The following SLC19A2 variants were observed in gnomAD, a reference collection of about 807,000 sequenced individuals.
SLC19A2 encodes the protein solute carrier family 19 member 2, also known as thiamine transporter 1.
SLC19A2 carries 27 observed loss-of-function variants against 44.7 expected under a neutral mutation model. The observed-to-expected ratio is 0.60, with a 90% CI of 0.45 to 0.83. The LOEUF is 0.83. SLC19A2 is among the 40% of genes least tolerant of loss of function. The pLI is 0.00. For missense variants in SLC19A2, 566 were observed against 613.7 expected (o/e 0.92, Z 0.82); for synonymous variants, 239 against 243.6 (o/e 0.98, Z 0.18).
At chr1:169,479,619 G>C (rs1193264534) in intron 1 of SLC19A2, among the ~76,000 whole-genome samples, 1 of 152,226 alleles carries the variant, frequency 6.6e-6, no homozygotes, top group Non-Finnish European at 1.5e-5. Context: ...AGCTGACAAG[G>C]ACATCTGGGG....
Position 169,477,775 on chromosome 1 carries a change from A to G in SLC19A2, c.205-18T>C, listed in dbSNP as rs1393421482. The G allele has an allele frequency of 3.1e-6, 5 of 1,591,502 alleles. No individual in the cohort carries two copies. The highest frequency in any genetic ancestry group is 2.2e-5 in the East Asian group (1 of 44,446). ...TTGAAGACCTGGTAGAAAGAGAAAAAAAAAAAACAAAAAACATTAGTGATG... is the reference window on the plus strand; with the variant it reads ...TTGAAGACCTGGTAGAAAGAGAAAAGAAAAAAACAAAAAACATTAGTGATG... On this transcript the variant is annotated intron_variant, in intron 1 of 5. Coordinates refer to ENST00000236137, the MANE Select transcript of SLC19A2 (RefSeq NM_006996.3).
rs1462814500 is a variant in SLC19A2, at chr1:169,485,755, G to C, written c.12C>G (p.Pro4=). 5.2e-6 allele frequency: 8 copies of C among 1,534,432 alleles called. No individual in the cohort carries two copies. The South Asian group carries it at 9.6e-5, about 18-fold the overall frequency. Residue 4 remains proline, a synonymous_variant, in exon 1 of 6, where the codon CCC becomes CCG. Coordinates refer to ENST00000236137, the MANE Select transcript of SLC19A2 (RefSeq NM_006996.3). MDV[P]GPVSRRAAAA... Reference sequence around the variant, plus strand: ...CCGCCGCCCGCCGAGACACCGGGCCGGGCACATCCATCCGGGGCGCGAGGG... The same window carrying C: ...CCGCCGCCCGCCGAGACACCGGGCCCGGCACATCCATCCGGGGCGCGAGGG...
intron 2 of SLC19A2, among the ~76,000 whole-genome samples, 153 bp downstream of exon 2, chr1:169,476,994 TTGAATGAA>T (rs111564572): frequency 7.9e-5 from 12 of 152,108 alleles, no homozygotes; most frequent in African/African-American, 2.7e-4. Flanking sequence ...AAACCATAGC[TTGAATGAA>T]TGAATGAATG....
intron 2 of SLC19A2, among the ~76,000 whole-genome samples, chr1:169,471,692 GTGTGTGTATA>G (rs1030367352): frequency 2.1e-5 from 3 of 145,876 alleles, no homozygotes; most frequent in Admixed American, 1.4e-4. Context: ...GTGTGTGTGT[GTGTGTGTATA>G]TATACACACA....
At chr1:169,473,251 T>G (rs1658231257) in intron 2 of SLC19A2, among the ~76,000 whole-genome samples, 1 of 152,080 alleles carries the variant, frequency 6.6e-6, no homozygotes, top group African/African-American at 2.4e-5. Context: ...ATTTATTTAT[T>G]TTTTTGAGAC....
At chr1:169,469,795 A>G (rs1658121951) in intron 3 of SLC19A2, among the ~76,000 whole-genome samples, 169 bp downstream of exon 3, 1 of 152,194 alleles carries the variant, frequency 6.6e-6, no homozygotes, top group Non-Finnish European at 1.5e-5. Context: ...GTCCTGCTCC[A>G]CTTGAGTACT....
rs1407151722 is a variant in SLC19A2, at chr1:169,477,304, T to G, written c.658A>C (p.Ile220Leu). The part of the protein sequence containing the change: ...MPQKSLFFHH[I>L]PSTCQRVNGI... Reference sequence around the variant, plus strand: ...TTCACTCTCTGGCAGGTAGAAGGAATGTGGTGAAAGAAGAGGCTCTTCTGT... The same window carrying G: ...TTCACTCTCTGGCAGGTAGAAGGAAGGTGGTGAAAGAAGAGGCTCTTCTGT... The change falls in exon 2 of 6, where the codon ATT becomes CTT. Residue 220 changes from isoleucine to leucine, a missense_variant. By Grantham distance (5) the Ile-to-Leu change is conservative. Transcript: ENST00000236137. 1.9e-6 allele frequency: 3 copies of G among 1,614,144 alleles called. No individual in the cohort carries two copies. Among genetic ancestry groups the G allele is most frequent in the African/African-American group, 1.3e-5 (1 of 75,020 alleles).
rs1484492815 is a variant in SLC19A2 at position 169,464,827 on chromosome 1, G to C, written c.*1022C>G. 2 of 152,462 alleles carry C rather than the reference G, an allele frequency of 1.3e-5. No homozygotes were observed. Among genetic ancestry groups the C allele is most frequent in the Non-Finnish European group, 2.9e-5 (2 of 67,990 alleles). The allele number at this position is 152,462 out of a possible 1,614,324, so 9.4% of individuals were successfully genotyped here. ...GTCCCATTGAAATAATTGAAAAGAGGCTCAGTTTATGAAAAAGGCCTTGGA... is the reference window on the plus strand; with the variant it reads ...GTCCCATTGAAATAATTGAAAAGAGCCTCAGTTTATGAAAAAGGCCTTGGA... On this transcript the variant is annotated 3_prime_UTR_variant, in exon 6 of 6. Coordinates refer to ENST00000236137, the MANE Select transcript of SLC19A2 (RefSeq NM_006996.3).
chr1:169,465,606 T>C lies in SLC19A2; in HGVS notation c.*243A>G. 4.0e-6 allele frequency: 2 copies of C among 494,322 alleles called. No individual in the cohort carries two copies. The highest frequency in any genetic ancestry group is 3.9e-5 in the East Asian group (1 of 25,786). 30.6% of individuals were successfully genotyped at this position (494,322 alleles called of 1,614,324 possible). ...CTGGTTTTTAAAATCAAGTTCACTT[T>C]TGAATCAGAAAAAAAGTCATCCTTA... On this transcript the variant is annotated 3_prime_UTR_variant, in exon 6 of 6. Coordinates refer to ENST00000236137, the MANE Select transcript of SLC19A2 (RefSeq NM_006996.3).
chr1:169,468,758 GA>G lies in SLC19A2; in HGVS notation c.1108del (p.Ser370LeufsTer3). On this transcript the variant is annotated frameshift_variant, in exon 4 of 6. Coordinates refer to ENST00000236137, the MANE Select transcript of SLC19A2 (RefSeq NM_006996.3). LOFTEE classifies it high-confidence loss of function. Reference protein sequence around the residue: ...TWGEMTLSLFSLLIAAAVYIM... With the variant: ...TWGEMTLSLFXLLIAAAVYIM... ...ATACACTGCAGCAGCAATCAGGAGA[GA>G]AAAGAGAGATAATGTCATTTCTCCC... The G allele has an allele frequency of 6.2e-7, 1 of 1,613,830 alleles. No individual in the cohort carries two copies. The highest frequency in any genetic ancestry group is 8.5e-7 in the Non-Finnish European group (1 of 1,179,840).
At chr1:169,471,675 CGTGT>C (rs140548510) in intron 2 of SLC19A2, among the ~76,000 whole-genome samples, 8 of 131,954 alleles carry the variant, frequency 6.1e-5, no homozygotes, top group South Asian at 2.7e-4. Context: ...AAAAAACAAA[CGTGT>C]GTGTGTGTGT....
At chr1:169,472,146 A>G (rs1658201201) in intron 2 of SLC19A2, among the ~76,000 whole-genome samples, 1 of 152,222 alleles carries the variant, frequency 6.6e-6, no homozygotes. Flanking sequence ...GTGAATTTAA[A>G]CAAATCACAA....
chr1:169,475,585 C>T (rs1658286396), intron 2 of SLC19A2, among the ~76,000 whole-genome samples: 1 of 151,718 alleles, frequency 6.6e-6, no homozygotes, highest in Non-Finnish European at 1.5e-5. Context: ...TATTTTTTTT[C>T]CACTTCATAA....
At chr1:169,471,430 G>A (rs1658174200) in intron 2 of SLC19A2, among the ~76,000 whole-genome samples, 1 of 149,842 alleles carries the variant, frequency 6.7e-6, no homozygotes, top group South Asian at 2.1e-4. Context: ...AGAAGTTCAA[G>A]ATCAAGCTGG....
At chr1:169,475,401 T>TA (rs1294778737) in intron 2 of SLC19A2, among the ~76,000 whole-genome samples, 1 of 152,112 alleles carries the variant, frequency 6.6e-6, no homozygotes, top group African/African-American at 2.4e-5. Context: ...TGTAAAATGT[T>TA]TTCTATGTTT....
rs1658082066 is a variant in SLC19A2, at chr1:169,468,267, A to G, written c.1224-15T>C. On this transcript the variant is annotated splice_polypyrimidine_tract_variant and intron_variant, in intron 4 of 5. Coordinates refer to ENST00000236137, the MANE Select transcript of SLC19A2 (RefSeq NM_006996.3). ...CAATTTGAAAACTTAAAAAAAAATA[A>G]AAGAGTGAATAAATAAGAATTACTT... 6.2e-7 allele frequency: 1 copy of G among 1,605,672 alleles called. No homozygotes were observed. Among genetic ancestry groups the G allele is most frequent in the African/African-American group, 1.3e-5 (1 of 74,806 alleles).
chr1:169,480,110 C>T lies in SLC19A2; in HGVS notation c.205-2353G>A, dbSNP rs115934342. Among the ~76,000 whole-genome samples, 531 of 152,194 alleles carry T rather than the reference C, an allele frequency of 3.5e-3. 6 individuals carry two copies. Among genetic ancestry groups the T allele is most frequent in the African/African-American group, 0.012 (503 of 41,518 alleles). On this transcript the variant is annotated intron_variant, in intron 1 of 5. Coordinates refer to ENST00000236137, the MANE Select transcript of SLC19A2 (RefSeq NM_006996.3). Reference sequence around the variant, plus strand: ...TGTTGCACCTGACTATGTGCCTAAACGAATAATCAAGAAATGTAGAAATGA... The same window carrying T: ...TGTTGCACCTGACTATGTGCCTAAATGAATAATCAAGAAATGTAGAAATGA...
Position 169,468,834 on chromosome 1 carries a change from C to T in SLC19A2, c.1033G>A (p.Ala345Thr), listed in dbSNP as rs530380548. 2.4e-5 allele frequency: 38 copies of T among 1,613,598 alleles called. No homozygotes were observed. Among genetic ancestry groups the T allele is most frequent in the Admixed American group, 3.3e-5 (2 of 59,994 alleles). ...GVEAVSTLLG[A>T]VAVFAVGYIK... is the part of the protein sequence containing the mutation. ...TAACCAACTGCAAACACAGCAACAG[C>T]ACCTACAGAACAAACAAAAAAAATC... The change falls in exon 4 of 6, where the codon GCT becomes ACT. Residue 345 changes from alanine to threonine, a missense_variant and splice_region_variant. Transcript: ENST00000236137.
At chr1:169,472,183 A>T (rs1658201734) in intron 2 of SLC19A2, among the ~76,000 whole-genome samples, 1 of 152,196 alleles carries the variant, frequency 6.6e-6, no homozygotes, top group African/African-American at 2.4e-5. Flanking sequence ...ATATAATGTG[A>T]ATTTGCTAAG....
Sources: allele counts gnomAD v4.1 joint callset (sites outside exome capture counted in the v4.1 genomes callset), GRCh38; gene constraint gnomAD v4.1.1; transcripts MANE v1.5; gene names NCBI Gene and HGNC (gene_info 2026-07-23, HGNC 2026-07-21).